The following SYNJ1 variants were observed in gnomAD, a reference collection of about 807,000 sequenced individuals.
SYNJ1 encodes the protein synaptojanin 1.
Under a neutral mutation model 168.2 loss-of-function variants are expected in SYNJ1, and 78 were observed. The observed-to-expected ratio is 0.46, with a 90% CI of 0.39 to 0.56. The LOEUF is 0.56. Among genes scored for constraint, SYNJ1 ranks in the 20% least tolerant of loss-of-function variants. The pLI is 0.00. For missense variants in SYNJ1, 1,303 were observed against 1,597.6 expected (o/e 0.82, Z 3.14); for synonymous variants, 539 against 548.6 (o/e 0.98, Z 0.24).
At chr21:32,659,072 G>C (rs1047799128) in intron 18 of SYNJ1, among the ~76,000 whole-genome samples, 3 of 150,996 alleles carry the variant, frequency 2.0e-5, no homozygotes, top group African/African-American at 7.3e-5. Context: ...CACCATACCA[G>C]ATGGCCACTG....
At position 32,631,697 on chromosome 21, in the gene SYNJ1, T is replaced by G. The variant is rs371381727; in HGVS notation, c.*108A>C. 5 of 1,614,220 alleles carry G rather than the reference T, an allele frequency of 3.1e-6. No individual in the cohort carries two copies. The highest frequency in any genetic ancestry group is 2.2e-5 in the East Asian group (1 of 44,882). On this transcript the variant is annotated 3_prime_UTR_variant, in exon 33 of 33. Transcript: ENST00000674351. ...TGGGAACAGGTGACGTTTGAACAGATAGCTGAGCCTTTGATACAGCAAGCA... is the reference window on the plus strand; with the variant it reads ...TGGGAACAGGTGACGTTTGAACAGAGAGCTGAGCCTTTGATACAGCAAGCA...
intron 1 of SYNJ1, among the ~76,000 whole-genome samples, chr21:32,727,468 C>T (rs1389816995): frequency 1.3e-5 from 2 of 152,200 alleles, no homozygotes; most frequent in Non-Finnish European, 2.9e-5. Context: ...TTACCGCCGC[C>T]TCTCCTGCCC....
chr21:32,728,097 A>G (rs1372170382), upstream of SYNJ1: 16 of 1,503,960 alleles, frequency 1.1e-5, no homozygotes, highest in Non-Finnish European at 1.4e-5. Flanking sequence ...GCGGGGCATC[A>G]GGAGGGAGAC....
intron 14 of SYNJ1, among the ~76,000 whole-genome samples, chr21:32,672,625 C>A (rs1364453792): frequency 6.6e-6 from 1 of 152,124 alleles, no homozygotes; most frequent in African/African-American, 2.4e-5. Flanking sequence ...CAGGCGTGAG[C>A]CACCGTGCCC....
chr21:32,645,678 G>C lies in SYNJ1; in HGVS notation c.3359C>G (p.Pro1120Arg). 6.6e-7 allele frequency: 1 copy of C among 1,514,968 alleles called. No individual in the cohort carries two copies. Among genetic ancestry groups the C allele is most frequent in the South Asian group, 1.3e-5 (1 of 75,882 alleles). 93.8% of individuals were successfully genotyped at this position (1,514,968 alleles called of 1,614,324 possible). ...PPRPVAPPTR[P>R]APPQRPPPPS... ...CGGAGGAGGTCTCTGTGGGGGAGCC[G>C]GGCGTGTGGGAGGGGCGACCGGGCG... The change falls in exon 25 of 33, where the codon CCG becomes CGG. Residue 1120 changes from proline to arginine, a missense_variant. Pro to Arg is a moderately radical substitution (Grantham distance 103). Coordinates refer to ENST00000674351, the MANE Select transcript of SYNJ1 (RefSeq NM_203446.3).
intron 3 of SYNJ1, 77 bp downstream of exon 3, chr21:32,701,884 G>T: frequency 9.4e-7 from 1 of 1,063,916 alleles, no homozygotes; most frequent in Non-Finnish European, 1.4e-6. Flanking sequence ...ATAATTCATA[G>T]CTAGTCCCTC....
chr21:32,727,958 C>T lies in SYNJ1; in HGVS notation c.-35G>A, dbSNP rs2043551497. On this transcript the variant is annotated 5_prime_UTR_variant, in exon 1 of 33. Transcript: ENST00000674351. The stretch of plus-strand genomic sequence containing the variant: ...CCGGCTTGCTCACCTCTTCCTCCGG[C>T]TCCTCCTCCTCCTTCTCCCGCAGCC... The T allele has an allele frequency of 6.5e-7, 1 of 1,532,258 alleles. No individual in the cohort carries two copies. The highest frequency in any genetic ancestry group is 8.7e-7 in the Non-Finnish European group (1 of 1,145,106). 94.9% of individuals were successfully genotyped at this position (1,532,258 alleles called of 1,614,324 possible). A position where few individuals can be genotyped will look rare whatever the true frequency, so the allele number is the denominator to read the frequency against.
chr21:32,706,666 C>T (rs1331946430), intron 2 of SYNJ1, among the ~76,000 whole-genome samples: 1 of 152,012 alleles, frequency 6.6e-6, no homozygotes. Context: ...TTATCTCTGA[C>T]GTTAATAAGG....
rs371381727 is a variant in SYNJ1 at position 32,631,697 on chromosome 21, T to C, written c.*108A>G. On this transcript the variant is annotated 3_prime_UTR_variant, in exon 33 of 33. Transcript: ENST00000674351. ...TGGGAACAGGTGACGTTTGAACAGA[T>C]AGCTGAGCCTTTGATACAGCAAGCA... The C allele has an allele frequency of 1.2e-6, 2 of 1,614,102 alleles. No individual in the cohort carries two copies. Among genetic ancestry groups the C allele is most frequent in the African/African-American group, 2.7e-5 (2 of 74,932 alleles).
chr21:32,632,661 C>T (rs1230427537), intron 32 of SYNJ1, among the ~76,000 whole-genome samples: 1 of 152,176 alleles, frequency 6.6e-6, no homozygotes, highest in Non-Finnish European at 1.5e-5. Flanking sequence ...GTCAGGATTA[C>T]AGGCGTGAGC....
At chr21:32,723,172 C>T (rs2043311376) in intron 2 of SYNJ1, among the ~76,000 whole-genome samples, 2 of 152,210 alleles carry the variant, frequency 1.3e-5, no homozygotes, top group Non-Finnish European at 2.9e-5. Context: ...CATTAGTGAA[C>T]ACGTGGGTCC....
chr21:32,657,073 T>G lies in SYNJ1; in HGVS notation c.2509A>C (p.Ile837Leu). 6 of 1,614,196 alleles carry G rather than the reference T, an allele frequency of 3.7e-6. No homozygotes were observed. The highest frequency in any genetic ancestry group is 4.2e-6 in the Non-Finnish European group (5 of 1,180,036). ...LNASFQDESK[I>L]LYTWTPGTLL... ...GTGCCTGGAGTCCACGTGTACAGAA[T>G]TTTGCTTTCATCTTGAAAACTAGCA... The change falls in exon 20 of 33, where the codon ATT becomes CTT. Residue 837 changes from isoleucine to leucine, a missense_variant. Ile to Leu is a conservative substitution (Grantham distance 5). Coordinates refer to ENST00000674351, the MANE Select transcript of SYNJ1 (RefSeq NM_203446.3).
intron 25 of SYNJ1, among the ~76,000 whole-genome samples, chr21:32,645,234 C>A (rs556358913): frequency 3.9e-5 from 6 of 152,080 alleles, no homozygotes; most frequent in African/African-American, 1.4e-4. Flanking sequence ...TACATTAATA[C>A]GTATGCTCTC....
intron 2 of SYNJ1, among the ~76,000 whole-genome samples, chr21:32,721,404 C>A (rs752316473): frequency 1.3e-5 from 2 of 152,156 alleles, no homozygotes; most frequent in Non-Finnish European, 2.9e-5. Context: ...GAAGGCCAGG[C>A]GTGGTGGCTC....
intron 2 of SYNJ1, among the ~76,000 whole-genome samples, chr21:32,707,324 T>C (rs2042650782): frequency 7.1e-6 from 1 of 140,668 alleles, no homozygotes; most frequent in African/African-American, 2.6e-5. Flanking sequence ...TCTCACTCTA[T>C]CACCCACCCT....
chr21:32,689,711 A>G (rs2041955077), intron 6 of SYNJ1, among the ~76,000 whole-genome samples: 1 of 152,278 alleles, frequency 6.6e-6, no homozygotes, highest in Non-Finnish European at 1.5e-5. Flanking sequence ...CTGAATTAAC[A>G]GTACAGTATT....
At chr21:32,713,961 C>G (rs993284613) in intron 2 of SYNJ1, among the ~76,000 whole-genome samples, 11 of 152,164 alleles carry the variant, frequency 7.2e-5, no homozygotes, top group Non-Finnish European at 1.5e-4. Context: ...GGGGATTATT[C>G]TCTGGAAAGC....
chr21:32,639,026 G>C lies in SYNJ1; in HGVS notation c.3797C>G (p.Pro1266Arg), dbSNP rs767170641. The C allele has an allele frequency of 1.4e-5, 22 of 1,614,018 alleles. No homozygotes were observed. Among genetic ancestry groups the C allele is most frequent in the Non-Finnish European group, 1.9e-5 (22 of 1,179,988 alleles). ...AGACTGAGGCATAGGTGCTGCCACAGGGACAAGAGGCTCTTGCAACCTTTG... is the reference window on the plus strand; with the variant it reads ...AGACTGAGGCATAGGTGCTGCCACACGGACAAGAGGCTCTTGCAACCTTTG... ...PAQRLQEPLVPVAAPMPQSGP... is the reference protein window; with the variant it reads ...PAQRLQEPLVRVAAPMPQSGP... The change falls in exon 31 of 33, where the codon CCT (proline) becomes CGT (arginine). Residue 1266 changes from proline to arginine, a missense_variant. By Grantham distance (103) the Pro-to-Arg change is moderately radical. Coordinates refer to ENST00000674351, the MANE Select transcript of SYNJ1 (RefSeq NM_203446.3).
chr21:32,675,379 A>G (rs1161789016), intron 13 of SYNJ1, among the ~76,000 whole-genome samples: 1 of 152,034 alleles, frequency 6.6e-6, no homozygotes, highest in Non-Finnish European at 1.5e-5. Context: ...TTAAAGAAAC[A>G]GAGAGTCAAA....
Sources: allele counts gnomAD v4.1 joint callset (sites outside exome capture counted in the v4.1 genomes callset), GRCh38; gene constraint gnomAD v4.1.1; transcripts MANE v1.5; gene names NCBI Gene and HGNC (gene_info 2026-07-23, HGNC 2026-07-21).